ATP10B: variants seen among roughly 807,000 people sequenced by gnomAD.
ATP10B encodes ATPase phospholipid transporting 10B (putative), also known as phospholipid-transporting ATPase VB.
In ATP10B, 122 loss-of-function variants were observed where a neutral mutation model predicts 141.2. That is an observed-to-expected ratio of 0.86 (90% CI 0.75 to 1.00). ATP10B has a LOEUF of 1.00. Among genes scored for constraint, ATP10B ranks in the 50% least tolerant of loss-of-function variants. ATP10B has a pLI of 0.00. For missense variants in ATP10B, 1,876 were observed against 1,825.3 expected (o/e 1.03, Z -0.51); for synonymous variants, 685 against 692.0 (o/e 0.99, Z 0.16).
chr5:160,881,758 A>G, the ATP10B span, among the ~76,000 whole-genome samples: 377 of 152,148 alleles, frequency 2.5e-3, 2 homozygotes, highest in African/African-American at 8.5e-3. Context: ...TTGCAGTGAG[A>G]GGAGATGGCG....
At chr5:160,768,048 A>C (rs1354948893) in intron 2 of ATP10B, among the ~76,000 whole-genome samples, 2 of 151,258 alleles carry the variant, frequency 1.3e-5, no homozygotes, top group South Asian at 4.2e-4. Flanking sequence ...TACTTCCTTC[A>C]CTCCCAACTC....
At chr5:160,682,582 T>G (rs1344009595) in intron 6 of ATP10B, among the ~76,000 whole-genome samples, 1 of 152,142 alleles carries the variant, frequency 6.6e-6, no homozygotes, top group Non-Finnish European at 1.5e-5. Flanking sequence ...TTCTGCGATA[T>G]TCTGGCAGAG....
At chr5:160,755,348 G>A (rs1045813011) in intron 2 of ATP10B, among the ~76,000 whole-genome samples, 2 of 152,050 alleles carry the variant, frequency 1.3e-5, no homozygotes, top group Non-Finnish European at 2.9e-5. Flanking sequence ...TGAGATTTGG[G>A]CAGGACACAA....
chr5:160,617,635 A>G (rs1581207746), intron 16 of ATP10B, among the ~76,000 whole-genome samples: 1 of 152,226 alleles, frequency 6.6e-6, no homozygotes, highest in Non-Finnish European at 1.5e-5. Flanking sequence ...TACACATATA[A>G]TGAAAAGCAG....
chr5:160,680,800 A>G (rs1159140216), intron 6 of ATP10B, among the ~76,000 whole-genome samples: 1 of 152,134 alleles, frequency 6.6e-6, no homozygotes, highest in African/African-American at 2.4e-5. Flanking sequence ...TCTTGCCCCT[A>G]GGGATTGGTT....
chr5:160,857,707 T>A, the ATP10B span, among the ~76,000 whole-genome samples: 2 of 151,870 alleles, frequency 1.3e-5, no homozygotes, highest in African/African-American at 4.8e-5. Context: ...CTGTGTTGTA[T>A]TTTAAATTTT....
chr5:160,785,568 A>C lies in ATP10B; in HGVS notation c.-340T>G. ...GAAGTAAAGATAGTACCTGATAGGT[A>C]GATTTCAAGTCTTGTTCCTCTTTCT... On this transcript the variant is annotated 5_prime_UTR_variant, in exon 2 of 26. Transcript: ENST00000327245. The C allele has an allele frequency of 1.3e-6, 1 of 764,504 alleles. No homozygotes were observed. The highest frequency in any genetic ancestry group is 2.0e-6 in the Non-Finnish European group (1 of 509,760). 47.4% of individuals were successfully genotyped at this position (764,504 alleles called of 1,614,324 possible).
the ATP10B span, among the ~76,000 whole-genome samples, chr5:160,923,459 G>T: frequency 1.3e-5 from 2 of 152,156 alleles, no homozygotes; most frequent in African/African-American, 2.4e-5. Flanking sequence ...AAGTGAAAAG[G>T]TATACATATA....
intron 1 of ATP10B, among the ~76,000 whole-genome samples, chr5:160,842,649 A>AT (rs972536921): frequency 1.3e-5 from 2 of 152,046 alleles, no homozygotes; most frequent in Non-Finnish European, 2.9e-5. Flanking sequence ...ATTGGAAGAT[A>AT]TGAGCACATT....
chr5:160,736,379 A>G (rs2127800865), intron 2 of ATP10B, among the ~76,000 whole-genome samples: 1 of 152,322 alleles, frequency 6.6e-6, no homozygotes, highest in African/African-American at 2.4e-5. Context: ...GCAAATTTCT[A>G]GACACATACA....
chr5:160,653,005 ATATATATTTATAT>A (rs1403662848), intron 7 of ATP10B, among the ~76,000 whole-genome samples: 2 of 80,592 alleles, frequency 2.5e-5, no homozygotes, highest in African/African-American at 4.7e-5. Flanking sequence ...TTTATATATT[ATATATATTTATAT>A]TATATATTTA....
chr5:160,775,351 C>T (rs902551250), intron 2 of ATP10B, among the ~76,000 whole-genome samples: 3 of 152,212 alleles, frequency 2.0e-5, no homozygotes, highest in African/African-American at 7.2e-5. Flanking sequence ...AGTCCCACTG[C>T]CTGATTTTAA....
chr5:160,777,957 G>A (rs1460128730), intron 2 of ATP10B, among the ~76,000 whole-genome samples: 1 of 142,086 alleles, frequency 7.0e-6, no homozygotes, highest in African/African-American at 2.6e-5. Flanking sequence ...ACAGAGACTG[G>A]GTGTATCACT....
the ATP10B span, among the ~76,000 whole-genome samples, chr5:160,891,626 T>C: frequency 2.6e-5 from 4 of 152,106 alleles, no homozygotes; most frequent in Admixed American, 2.0e-4. Context: ...TAAGTAGAGA[T>C]GGGGTTTCAC....
At chr5:160,887,579 CAA>C in the ATP10B span, among the ~76,000 whole-genome samples, 1 of 152,174 alleles carries the variant, frequency 6.6e-6, no homozygotes, top group African/African-American at 2.4e-5. Flanking sequence ...TAAAGGCCCG[CAA>C]AGTCTTACAC....
the ATP10B span, among the ~76,000 whole-genome samples, chr5:160,921,097 C>T: frequency 6.6e-6 from 1 of 152,186 alleles, no homozygotes; most frequent in Non-Finnish European, 1.5e-5. Flanking sequence ...AAGCTCATGT[C>T]CTCTATCGGA....
At position 160,591,090 on chromosome 5, in the gene ATP10B, T is replaced by C. The variant is rs1232238502; in HGVS notation, c.3614A>G (p.Gln1205Arg). 1.2e-6 allele frequency: 2 copies of C among 1,614,090 alleles called. No homozygotes were observed. Among genetic ancestry groups the C allele is most frequent in the Non-Finnish European group, 1.7e-6 (2 of 1,179,952 alleles). The change falls in exon 23 of 26, where the codon CAG becomes CGG. Residue 1205 changes from glutamine to arginine, a missense_variant. Coordinates refer to ENST00000327245, the MANE Select transcript of ATP10B (RefSeq NM_025153.3). ...FWISMVDAFY[Q>R]SLICFFIPYL... The stretch of plus-strand genomic sequence containing the variant: ...AGGGATAAAGAAACAGATGAGGCTC[T>C]GGTAGAATGCATCCACCATAGAAAT...
chr5:160,831,074 C>T (rs1775045366), intron 1 of ATP10B, among the ~76,000 whole-genome samples: 1 of 150,712 alleles, frequency 6.6e-6, no homozygotes, highest in Non-Finnish European at 1.5e-5. Context: ...TCATCTTTGT[C>T]ACTTATTTTT....
chr5:160,718,254 A>T (rs542352607), intron 2 of ATP10B, among the ~76,000 whole-genome samples: 1 of 152,286 alleles, frequency 6.6e-6, no homozygotes, highest in East Asian at 1.9e-4. Flanking sequence ...GGTACATACC[A>T]GAAAGCCCTT....
Sources: gnomAD v4.1 joint callset for allele counts (sites outside exome capture counted in the v4.1 genomes callset) on GRCh38, gnomAD v4.1.1 for gene constraint, MANE v1.5 for transcripts, NCBI Gene and HGNC (gene_info 2026-07-23, HGNC 2026-07-21) for gene names.